EXD3: variants seen among roughly 807,000 people sequenced by gnomAD.
EXD3 encodes exonuclease mut-7 homolog.
Under a neutral mutation model 98.0 loss-of-function variants are expected in EXD3, and 92 were observed. The observed-to-expected ratio is 0.94, with a 90% CI of 0.79 to 1.12. The LOEUF (loss-of-function observed/expected upper bound fraction) is 1.12. Among genes scored for constraint, EXD3 ranks in the 50% most tolerant of loss-of-function variants. The pLI, the probability that EXD3 is intolerant of heterozygous loss-of-function variation, is 0.00. For synonymous variants in EXD3, 569 were observed against 526.0 expected (o/e 1.08, Z -1.12); for missense variants, 1,222 against 1,191.6 (o/e 1.03, Z -0.38).
intron 18 of EXD3, 107 bp downstream of exon 18, chr9:137,323,983 G>A (rs1832242309): frequency 2.0e-6 from 3 of 1,527,684 alleles, no homozygotes; most frequent in Non-Finnish European, 2.7e-6. Context: ...CAGAGGCGCT[G>A]GGGGTCGGCC....
At chr9:137,406,955 G>A (rs369913828) in intron 1 of EXD3, among the ~76,000 whole-genome samples, 78 of 152,268 alleles carry the variant, frequency 5.1e-4, no homozygotes, top group Middle Eastern at 3.4e-3. Context: ...AGAGAGGTGC[G>A]GAGCCAACAC....
chr9:137,377,445 TA>T lies in EXD3; in HGVS notation c.121-3847del, dbSNP rs60776134. Among the ~76,000 whole-genome samples the T allele has an allele frequency of 7.9e-3, 741 of 94,392 alleles. 2 individuals carry two copies. Among genetic ancestry groups the T allele is most frequent in the Middle Eastern group, 0.013 (2 of 152 alleles). The allele number at this position is 94,392 out of a possible 152,430, so 61.9% of individuals were successfully genotyped here. A position where few individuals can be genotyped will look rare whatever the true frequency, so the allele number is the denominator to read the frequency against. ...GGGTGACAGAACAAGACTCTGTCTC[TA>T]AAAAAAAAAAAAAAAAGGGAAAGGC... is the stretch of plus-strand genomic sequence containing the variant. On this transcript the variant is annotated intron_variant, in intron 3 of 21. Coordinates refer to ENST00000340951, the MANE Select transcript of EXD3 (RefSeq NM_017820.5).
rs543655854 is a variant in EXD3 at position 137,337,593 on chromosome 9, G to A, written c.1998+10478C>T. On this transcript the variant is annotated intron_variant, in intron 17 of 21. Coordinates refer to ENST00000340951, the MANE Select transcript of EXD3 (RefSeq NM_017820.5). ...TTGAACCCGGGAGGCGGAGCTTGCA[G>A]TGAGCCGAGATTTCGCCACTGCACT... Among the ~76,000 whole-genome samples, 4 of 151,960 alleles carry A rather than the reference G, an allele frequency of 2.6e-5. No homozygotes were observed. The East Asian group carries it at 5.9e-4, about 22-fold the overall frequency.
At chr9:137,311,982 C>G (rs1345214574) in intron 19 of EXD3, among the ~76,000 whole-genome samples, 4 of 152,160 alleles carry the variant, frequency 2.6e-5, no homozygotes, top group Admixed American at 6.5e-5. Context: ...GGCTGAGAGC[C>G]CCTGCCCTCC....
rs985158327 is a variant in EXD3, at chr9:137,393,428, G to T, written c.55+1875C>A. ...GGGGTCTGGGCCCATCCCCAGAGGG[G>T]CAGGTGTGTGGTCAGGGCCCCACAG... On this transcript the variant is annotated intron_variant, in intron 2 of 21. Coordinates refer to ENST00000340951, the MANE Select transcript of EXD3 (RefSeq NM_017820.5). This position sits in a 1 kb window ranked among gnomAD's most constrained non-coding sequence, Gnocchi z 4.6. 1.3e-5 allele frequency among the ~76,000 whole-genome samples: 2 copies of T among 152,160 alleles called. No individual in the cohort carries two copies. Among genetic ancestry groups the T allele is most frequent in the Non-Finnish European group, 2.9e-5 (2 of 68,004 alleles).
intron 17 of EXD3, among the ~76,000 whole-genome samples, chr9:137,338,817 C>T (rs541481266): frequency 1.1e-4 from 17 of 148,636 alleles, no homozygotes; most frequent in African/African-American, 2.8e-4. Flanking sequence ...GGCGTGAACC[C>T]GGGAGGCGGA....
intron 17 of EXD3, among the ~76,000 whole-genome samples, chr9:137,346,979 C>G (rs985073774): frequency 3.9e-5 from 6 of 152,104 alleles, no homozygotes; most frequent in African/African-American, 1.2e-4. Flanking sequence ...CCACGCCCAG[C>G]TAATTTTTGT....
intron 1 of EXD3, among the ~76,000 whole-genome samples, chr9:137,397,563 C>CA (rs1433454193): frequency 6.6e-6 from 1 of 152,018 alleles, no homozygotes; most frequent in African/African-American, 2.4e-5. Flanking sequence ...TGGAAAAACA[C>CA]AAAAAACAGA....
chr9:137,333,370 T>A (rs1833192165), intron 17 of EXD3, among the ~76,000 whole-genome samples: 1 of 152,154 alleles, frequency 6.6e-6, no homozygotes, highest in Non-Finnish European at 1.5e-5. Context: ...GTGAGTCAAC[T>A]CTCCTTAATA....
chr9:137,372,155 C>A (rs1835651797), intron 5 of EXD3, among the ~76,000 whole-genome samples: 1 of 152,236 alleles, frequency 6.6e-6, no homozygotes, highest in Admixed American at 6.5e-5. Context: ...TTCTGCGACA[C>A]CACTTAAGAC....
At chr9:137,327,099 GA>G (rs1305804360) in intron 17 of EXD3, among the ~76,000 whole-genome samples, 1 of 151,710 alleles carries the variant, frequency 6.6e-6, no homozygotes, top group Non-Finnish European at 1.5e-5. Context: ...ACCAGGGCTA[GA>G]AGGAGGGGAG....
At chr9:137,411,909 G>A (rs1004828454) in intron 1 of EXD3, among the ~76,000 whole-genome samples, 2 of 152,232 alleles carry the variant, frequency 1.3e-5, no homozygotes, top group African/African-American at 4.8e-5. Context: ...TTTCTGTGGT[G>A]TTTCCCTGAG....
intron 5 of EXD3, 65 bp downstream of exon 5, chr9:137,372,840 G>A (rs1292688858): frequency 3.9e-5 from 60 of 1,536,980 alleles, no homozygotes; most frequent in Non-Finnish European, 5.0e-5. Flanking sequence ...CCTGAGCCAG[G>A]CGCGTCCTTG....
intron 17 of EXD3, among the ~76,000 whole-genome samples, chr9:137,346,238 C>CAAAAAAAAAAAAAAAAAAAAAAAAAA (rs563761495): frequency 8.1e-4 from 11 of 13,616 alleles, no homozygotes; most frequent in Non-Finnish European, 9.4e-4. Context: ...GACTCCGTCT[C>CAAAAAAAAAAAAAAAAAAAAAAAAAA]AAAAAAAAAA....
intron 3 of EXD3, among the ~76,000 whole-genome samples, chr9:137,377,463 G>T (rs1055981620): frequency 2.1e-5 from 3 of 142,422 alleles, no homozygotes; most frequent in African/African-American, 5.5e-5. Context: ...AAAAAAAAAA[G>T]GGAAAGGCAG....
At chr9:137,317,754 C>T (rs529952223) in intron 19 of EXD3, among the ~76,000 whole-genome samples, 1 of 151,896 alleles carries the variant, frequency 6.6e-6, no homozygotes, top group Admixed American at 6.5e-5. Flanking sequence ...CCATCACTCC[C>T]TCTTTGTCCC....
chr9:137,386,208 G>T (rs1450928491), intron 2 of EXD3, among the ~76,000 whole-genome samples: 2 of 152,060 alleles, frequency 1.3e-5, no homozygotes, highest in East Asian at 1.9e-4. Context: ...GTGGGAGCAT[G>T]GCTGGAGCCT....
intron 14 of EXD3, among the ~76,000 whole-genome samples, chr9:137,350,149 G>A (rs1382060214): frequency 1.3e-4 from 10 of 76,372 alleles, no homozygotes; most frequent in Non-Finnish European, 2.5e-4. Context: ...TGGGGATCAC[G>A]GGGAAGGTTC....
rs1157301075 is a variant in EXD3, at chr9:137,385,978, TTATGTA to T, written c.56-2607_56-2602del. Among the ~76,000 whole-genome samples, 2 of 152,140 alleles carry T rather than the reference TTATGTA, an allele frequency of 1.3e-5. No homozygotes were observed. Among genetic ancestry groups the T allele is most frequent in the African/African-American group, 4.8e-5 (2 of 41,452 alleles). On this transcript the variant is annotated intron_variant, in intron 2 of 21. Coordinates refer to ENST00000340951, the MANE Select transcript of EXD3 (RefSeq NM_017820.5). This position sits in a 1 kb window ranked among gnomAD's most constrained non-coding sequence, Gnocchi z 4.4. ...AGTGGTTAAAATGGTAAATTTCATG[TTATGTA>T]TATTTCACATATTTTTAAAAGCAGG...
Sources: gnomAD v4.1 joint callset for allele counts (sites outside exome capture counted in the v4.1 genomes callset) on GRCh38, gnomAD v4.1.1 for gene constraint, Gnocchi (gnomAD v3.1) non-coding constraint, MANE v1.5 for transcripts, NCBI Gene and HGNC (gene_info 2026-07-23, HGNC 2026-07-21) for gene names.